The following ZFHX4 variants were observed in gnomAD, a reference collection of about 807,000 sequenced individuals.
ZFHX4 encodes the protein zinc finger homeobox protein 4.
Under a neutral mutation model 267.6 loss-of-function variants are expected in ZFHX4, and 56 were observed. The observed-to-expected ratio is 0.21, with a 90% CI of 0.17 to 0.26. The LOEUF (loss-of-function observed/expected upper bound fraction) is 0.26, where lower values mean the gene tolerates loss of function less well. ZFHX4 is among the 10% of genes least tolerant of loss of function. The pLI, the probability that ZFHX4 is intolerant of heterozygous loss-of-function variation, is 1.00. For synonymous variants in ZFHX4, 1,778 were observed against 1,665.6 expected (o/e 1.07, Z -1.64); for missense variants, 4,332 against 4,420.0 (o/e 0.98, Z 0.56).
intron 4 of ZFHX4, chr8:76,782,299 T>C (rs575286203): frequency 8.6e-6 from 3 of 350,686 alleles, no homozygotes; most frequent in South Asian, 6.5e-5. Flanking sequence ...CTGGCTATGC[T>C]AGTACACAGC....
chr8:76,706,486 C>A lies in ZFHX4; in HGVS notation c.2398C>A (p.Gln800Lys), dbSNP rs1321319535. ...KHMHNMMLLQ[Q>K]NMKQIQHNLH... The stretch of plus-strand genomic sequence containing the variant: ...CATGCATAATATGATGCTTTTGCAG[C>A]AGAACATGAAGCAGATCCAGCATAA... The change falls in exon 2 of 11, where the codon CAG becomes AAG. Residue 800 changes from glutamine (Q) to lysine (K), a missense_variant. By Grantham distance (53) the Gln-to-Lys change is moderately conservative (BLOSUM62 1). Around this residue, in one of 7 missense-constraint regions of ZFHX4, gnomAD observed 1,195 missense variants for 1,173.6 expected, o/e 1.02. Transcript: ENST00000651372. 1 of 1,613,820 alleles carries A rather than the reference C, an allele frequency of 6.2e-7. No individual in the cohort carries two copies. Among genetic ancestry groups the A allele is most frequent in the African/African-American group, 1.3e-5 (1 of 74,928 alleles).
intron 4 of ZFHX4, among the ~76,000 whole-genome samples, chr8:76,786,955 A>G (rs189245712): frequency 6.6e-6 from 1 of 152,224 alleles, no homozygotes; most frequent in African/African-American, 2.4e-5. Context: ...GGAAGATCAA[A>G]TGACCAACAT....
At chr8:76,741,519 G>A (rs1809314688) in intron 3 of ZFHX4, among the ~76,000 whole-genome samples, 1 of 152,178 alleles carries the variant, frequency 6.6e-6, no homozygotes, top group Non-Finnish European at 1.5e-5. Context: ...AAAATCTCAT[G>A]AACTAAGACA....
intron 3 of ZFHX4, among the ~76,000 whole-genome samples, chr8:76,750,429 T>C (rs927694231): frequency 1.3e-5 from 2 of 152,136 alleles, no homozygotes; most frequent in Admixed American, 1.3e-4. Context: ...AAGAAGTAAA[T>C]GTAGCTTAGT....
intron 3 of ZFHX4, among the ~76,000 whole-genome samples, chr8:76,761,282 T>C (rs2131730048): frequency 6.6e-6 from 1 of 152,344 alleles, no homozygotes; most frequent in South Asian, 2.1e-4. Context: ...TAAGAGTTAA[T>C]TACCACTTTG....
At chr8:76,790,333 A>G (rs905635124) in intron 4 of ZFHX4, among the ~76,000 whole-genome samples, 1 of 152,134 alleles carries the variant, frequency 6.6e-6, no homozygotes, top group African/African-American at 2.4e-5. Flanking sequence ...ACTTAGGCAC[A>G]GATATTAGAT....
At chr8:76,697,017 A>G (rs1023089398) in intron 1 of ZFHX4, among the ~76,000 whole-genome samples, 1 of 151,996 alleles carries the variant, frequency 6.6e-6, no homozygotes, top group African/African-American at 2.4e-5. Flanking sequence ...TTGACTTGTG[A>G]TTGATTTTAT....
chr8:76,799,558 A>G (rs1420315614), intron 4 of ZFHX4, among the ~76,000 whole-genome samples: 1 of 152,166 alleles, frequency 6.6e-6, no homozygotes, highest in Non-Finnish European at 1.5e-5. Context: ...CCTTATTAAC[A>G]TTCCTTGTGG....
chr8:76,722,197 A>AT (rs1808740176), intron 3 of ZFHX4, among the ~76,000 whole-genome samples: 1 of 151,992 alleles, frequency 6.6e-6, no homozygotes, highest in South Asian at 2.1e-4. Flanking sequence ...TCATTGTGTA[A>AT]TTTTTTCTTT....
intron 4 of ZFHX4, among the ~76,000 whole-genome samples, chr8:76,803,258 G>A (rs1459280619): frequency 6.6e-6 from 1 of 151,456 alleles, no homozygotes; most frequent in African/African-American, 2.4e-5. Context: ...GCATGCGCGT[G>A]TGTGCGTGTG....
chr8:76,691,749 G>A (rs1333413090), intron 1 of ZFHX4, among the ~76,000 whole-genome samples: 1 of 152,044 alleles, frequency 6.6e-6, no homozygotes, highest in Non-Finnish European at 1.5e-5. Context: ...TTGCTGCAGA[G>A]ATTACATAAG....
At chr8:76,849,310 G>T (rs1280313723) in intron 7 of ZFHX4, among the ~76,000 whole-genome samples, 182 bp downstream of exon 7, 3 of 152,190 alleles carry the variant, frequency 2.0e-5, no homozygotes, top group Non-Finnish European at 4.4e-5. Flanking sequence ...TGTTGAAATA[G>T]CTAGAAGAGA....
intron 4 of ZFHX4, among the ~76,000 whole-genome samples, chr8:76,787,095 T>C (rs1424246649): frequency 6.6e-6 from 1 of 152,194 alleles, no homozygotes. Flanking sequence ...TTTTATATTG[T>C]TTTCAAATCA....
chr8:76,722,860 T>C (rs909477825), intron 3 of ZFHX4, among the ~76,000 whole-genome samples: 3 of 152,016 alleles, frequency 2.0e-5, no homozygotes, highest in African/African-American at 7.2e-5. Context: ...ACTTTATTTT[T>C]AAATTTCTGT....
In ZFHX4 at chr8:76,849,636, A is replaced by G; in HGVS notation, c.3770A>G (p.Asn1257Ser). Residue 1257 changes from asparagine to serine, a missense_variant, in exon 8 of 11, where the codon AAC becomes AGC. Transcript: ENST00000651372. The stretch of plus-strand genomic sequence containing the variant: ...CCTCTCTGTCAGGACGTCCTCAGCA[A>G]CAAAATGCATCTCCAACTGCATCTG... ...CCPLCQDVLSNKMHLQLHLTH... is the reference protein window; with the variant it reads ...CCPLCQDVLSSKMHLQLHLTH... 1 of 1,613,978 alleles carries G rather than the reference A, an allele frequency of 6.2e-7. No homozygotes were observed. The highest frequency in any genetic ancestry group is 8.5e-7 in the Non-Finnish European group (1 of 1,179,874).
At chr8:76,752,595 T>C (rs1809650318) in intron 3 of ZFHX4, among the ~76,000 whole-genome samples, 1 of 151,912 alleles carries the variant, frequency 6.6e-6, no homozygotes. Context: ...TGCTTGAACC[T>C]TGAAGGCAGA....
chr8:76,755,147 T>A (rs1809729403), intron 3 of ZFHX4, among the ~76,000 whole-genome samples: 1 of 152,240 alleles, frequency 6.6e-6, no homozygotes, highest in Admixed American at 6.5e-5. Flanking sequence ...TAATGAATTG[T>A]ATGTTCACAT....
chr8:76,814,381 GA>G (rs1280013281), intron 4 of ZFHX4, among the ~76,000 whole-genome samples: 1 of 151,994 alleles, frequency 6.6e-6, no homozygotes, highest in Non-Finnish European at 1.5e-5. Flanking sequence ...ACTTTTCTTA[GA>G]GTTATGTAAC....
intron 4 of ZFHX4, among the ~76,000 whole-genome samples, chr8:76,804,264 T>G (rs1026991705): frequency 2.4e-4 from 36 of 152,100 alleles, no homozygotes; most frequent in African/African-American, 8.7e-4. Context: ...TGTAACACAA[T>G]GTCCAAAATT....
Sources: gnomAD v4.1 joint callset for allele counts (sites outside exome capture counted in the v4.1 genomes callset) on GRCh38, gnomAD v4.1.1 for gene constraint, gnomAD v4.1.1 regional missense constraint, MANE v1.5 for transcripts, NCBI Gene and HGNC (gene_info 2026-07-23, HGNC 2026-07-21) for gene names.